RALGAPA2: variants seen among roughly 807,000 people sequenced by gnomAD.
RALGAPA2 encodes the protein Ral GTPase activating protein catalytic subunit alpha 2.
A neutral mutation model predicts 230.4 loss-of-function variants in RALGAPA2; 139 were observed. The ratio of observed to expected loss-of-function variants is 0.60; its 90% CI spans 0.53 to 0.69. RALGAPA2 has a LOEUF of 0.69. RALGAPA2 is among the 30% of genes least tolerant of loss of function. The probability of loss-of-function intolerance (pLI) is 0.00; values close to 1 mark genes in which losing one functional copy is unlikely to be tolerated. For missense variants in RALGAPA2, 2,163 were observed against 2,276.0 expected (o/e 0.95, Z 1.01); for synonymous variants, 847 against 837.8 (o/e 1.01, Z -0.19).
chr20:20,440,747 C>T (rs1426214289), intron 37 of RALGAPA2, among the ~76,000 whole-genome samples: 1 of 152,252 alleles, frequency 6.6e-6, no homozygotes, highest in Non-Finnish European at 1.5e-5. Flanking sequence ...CCTTCCTTGG[C>T]AGCTGACGGG....
chr20:20,396,547 G>A (rs2059721937), intron 39 of RALGAPA2, 148 bp downstream of exon 39: 1 of 671,152 alleles, frequency 1.5e-6, no homozygotes, highest in East Asian at 3.0e-5. Context: ...AGGGGCAGGA[G>A]TGTGGGCAGG....
chr20:20,483,279 A>G (rs908167564), intron 36 of RALGAPA2, among the ~76,000 whole-genome samples: 1 of 152,230 alleles, frequency 6.6e-6, no homozygotes, highest in African/African-American at 2.4e-5. Context: ...AATCATGATC[A>G]CAATCTCTAA....
chr20:20,508,677 A>G (rs2062608197), intron 33 of RALGAPA2, among the ~76,000 whole-genome samples: 1 of 152,250 alleles, frequency 6.6e-6, no homozygotes, highest in Non-Finnish European at 1.5e-5. Context: ...AAATGTTCTA[A>G]ATGAAAGTTG....
chr20:20,611,705 G>A (rs187424301), intron 13 of RALGAPA2, among the ~76,000 whole-genome samples: 1 of 152,140 alleles, frequency 6.6e-6, no homozygotes, highest in East Asian at 1.9e-4. Context: ...CAAAAAGAGA[G>A]GCAAGATCGT....
rs537872318 is a variant in RALGAPA2 at position 20,638,271 on chromosome 20, T to C, written c.667-770A>G. 7.9e-5 allele frequency among the ~76,000 whole-genome samples: 12 copies of C among 152,334 alleles called. No individual in the cohort carries two copies. In the South Asian group the frequency reaches 2.5e-3, roughly 32 times the overall value. On this transcript the variant is annotated intron_variant, in intron 7 of 39. Transcript: ENST00000202677. ...AGACCTGTTGGTGGTTCTTAATGCTTGTTAGACCACAGAGCACTCTAAAGC... is the reference window on the plus strand; with the variant it reads ...AGACCTGTTGGTGGTTCTTAATGCTCGTTAGACCACAGAGCACTCTAAAGC...
chr20:20,602,404 G>C (rs2065683887), intron 15 of RALGAPA2, among the ~76,000 whole-genome samples: 1 of 152,214 alleles, frequency 6.6e-6, no homozygotes, highest in Admixed American at 6.5e-5. Context: ...TGTAGTCTGA[G>C]ATTCAACTTT....
In RALGAPA2 at chr20:20,712,443, G is replaced by T; in HGVS notation, c.38C>A (p.Ser13Tyr). The T allele has an allele frequency of 6.4e-7, 1 of 1,554,978 alleles. No homozygotes were observed. Among genetic ancestry groups the T allele is most frequent in the Non-Finnish European group, 8.7e-7 (1 of 1,148,812 alleles). Residue 13 changes from serine to tyrosine, a missense_variant, in exon 1 of 40, where the codon TCC (serine) becomes TAC (tyrosine). Ser to Tyr is a moderately radical substitution (Grantham distance 144). Coordinates refer to ENST00000202677, the MANE Select transcript of RALGAPA2 (RefSeq NM_020343.4). The surrounding 1 kb of genome is among the most constrained non-coding windows in gnomAD (Gnocchi z 5.5). ...CTTCGGGTCCAGCACCTTCTGGGTG[G>T]ACTTCTTCACATCCCCGTGGCTCCT... ...SRRSHGDVKK[S>Y]TQKVLDPKKD...
intron 3 of RALGAPA2, among the ~76,000 whole-genome samples, chr20:20,670,955 A>C (rs2068115866): frequency 6.6e-6 from 1 of 151,722 alleles, no homozygotes; most frequent in Non-Finnish European, 1.5e-5. Flanking sequence ...GTCTCAAAAA[A>C]AAAAAAAAAA....
chr20:20,426,743 A>G (rs555239449), intron 37 of RALGAPA2, among the ~76,000 whole-genome samples: 2 of 152,326 alleles, frequency 1.3e-5, no homozygotes, highest in African/African-American at 4.8e-5. Flanking sequence ...CCCTGTTCTG[A>G]CAGCCCTTCA....
At chr20:20,556,638 A>C (rs2064091157) in intron 23 of RALGAPA2, among the ~76,000 whole-genome samples, 1 of 152,186 alleles carries the variant, frequency 6.6e-6, no homozygotes, top group African/African-American at 2.4e-5. Context: ...GACTTTAGCA[A>C]ATGAGGGCTT....
chr20:20,539,912 T>G (rs2063598532), intron 24 of RALGAPA2, among the ~76,000 whole-genome samples: 1 of 152,310 alleles, frequency 6.6e-6, no homozygotes, highest in South Asian at 2.1e-4. Flanking sequence ...AATGGTTCAT[T>G]CATGTTGTTG....
rs1274117512 is a variant in RALGAPA2, at chr20:20,398,547, T to C, written c.5618-1813A>G. ...GACACACGGCGGTGCTCCCAAAGGGTGGGGTTCCAGTCGTGGAGCAGAGGA... is the reference window on the plus strand; with the variant it reads ...GACACACGGCGGTGCTCCCAAAGGGCGGGGTTCCAGTCGTGGAGCAGAGGA... On this transcript the variant is annotated intron_variant, in intron 38 of 39. Transcript: ENST00000202677. This position sits in a 1 kb window ranked among gnomAD's most constrained non-coding sequence, Gnocchi z 4.5. Among the ~76,000 whole-genome samples, 1 of 151,738 alleles carries C rather than the reference T, an allele frequency of 6.6e-6. No homozygotes were observed. The highest frequency in any genetic ancestry group is 1.5e-5 in the Non-Finnish European group (1 of 67,942).
chr20:20,696,129 C>T (rs2069104909), intron 1 of RALGAPA2, among the ~76,000 whole-genome samples: 1 of 152,142 alleles, frequency 6.6e-6, no homozygotes, highest in South Asian at 2.1e-4. Flanking sequence ...CTTTCCTGTC[C>T]CACTGGCCAC....
intron 36 of RALGAPA2, among the ~76,000 whole-genome samples, chr20:20,479,352 G>C (rs2061721505): frequency 6.6e-6 from 1 of 152,126 alleles, no homozygotes; most frequent in South Asian, 2.1e-4. Flanking sequence ...ACCAAAATGA[G>C]GGGCCAATCT....
In RALGAPA2 at chr20:20,513,142, G is replaced by A. The variant is rs767841025; in HGVS notation, c.4227C>T (p.Ala1409=). ...HSLVSENHDN[A]HVEGSELSFE... is the part of the protein sequence containing the mutation. The stretch of plus-strand genomic sequence containing the variant: ...AGGACAGCTCGGAGCCTTCCACATG[G>A]GCATTGTCATGGTTCTCGCTGACAA... Residue 1409 remains alanine, a synonymous_variant, in exon 32 of 40, where the codon GCC becomes GCT. Transcript: ENST00000202677. 31 of 1,561,418 alleles carry A rather than the reference G, an allele frequency of 2.0e-5. No individual in the cohort carries two copies. Among genetic ancestry groups the A allele is most frequent in the Non-Finnish European group, 2.7e-5 (31 of 1,157,466 alleles).
chr20:20,702,945 G>C (rs925722349), intron 1 of RALGAPA2, among the ~76,000 whole-genome samples: 16 of 152,170 alleles, frequency 1.1e-4, no homozygotes, highest in Middle Eastern at 3.4e-3. Context: ...GGCCGAGGCG[G>C]ACTAATCACT....
intron 37 of RALGAPA2, among the ~76,000 whole-genome samples, chr20:20,461,280 G>A (rs2061296143): frequency 6.6e-6 from 1 of 151,856 alleles, no homozygotes; most frequent in Non-Finnish European, 1.5e-5. Flanking sequence ...CTTTTTATAG[G>A]GGTTAAAAAT....
intron 8 of RALGAPA2, among the ~76,000 whole-genome samples, chr20:20,636,113 A>G (rs2066848731): frequency 6.6e-6 from 1 of 152,202 alleles, no homozygotes; most frequent in Non-Finnish European, 1.5e-5. Context: ...CAGAATCAAT[A>G]TCATCTACTT....
At chr20:20,602,811 G>GGTGT (rs1368350385) in intron 15 of RALGAPA2, among the ~76,000 whole-genome samples, 2 of 133,458 alleles carry the variant, frequency 1.5e-5, no homozygotes, top group African/African-American at 5.7e-5. Context: ...CAGAATGGCA[G>GGTGT]GCGTGTGTGT....
Sources: gnomAD v4.1 joint callset for allele counts (sites outside exome capture counted in the v4.1 genomes callset) on GRCh38, gnomAD v4.1.1 for gene constraint, Gnocchi (gnomAD v3.1) non-coding constraint, MANE v1.5 for transcripts, NCBI Gene and HGNC (gene_info 2026-07-23, HGNC 2026-07-21) for gene names.